The following UNC13B variants were observed in gnomAD, a reference collection of about 807,000 sequenced individuals.
UNC13B encodes protein unc-13 homolog B.
In UNC13B, 144 loss-of-function variants were observed where a neutral mutation model predicts 211.0. The ratio of observed to expected loss-of-function variants is 0.68; its 90% CI spans 0.60 to 0.78. The LOEUF is 0.78. Among genes scored for constraint, UNC13B ranks in the 30% least tolerant of loss-of-function variants. The pLI is 0.00. For missense variants in UNC13B, 1,777 were observed against 2,002.0 expected (o/e 0.89, Z 2.14); for synonymous variants, 709 against 725.8 (o/e 0.98, Z 0.37).
intron 5 of UNC13B, among the ~76,000 whole-genome samples, chr9:35,242,876 A>G (rs934154166): frequency 9.9e-5 from 15 of 152,198 alleles, no homozygotes; most frequent in African/African-American, 3.6e-4. Context: ...AATTTTGAGC[A>G]TCTCAATATC....
At chr9:35,226,441 G>A (rs1824847171) in intron 1 of UNC13B, among the ~76,000 whole-genome samples, 1 of 152,146 alleles carries the variant, frequency 6.6e-6, no homozygotes, top group South Asian at 2.1e-4. Context: ...AGTTTATTAG[G>A]AGAATTGACT....
chr9:35,204,728 T>C (rs1270450019), intron 1 of UNC13B, among the ~76,000 whole-genome samples: 2 of 152,220 alleles, frequency 1.3e-5, no homozygotes, highest in African/African-American at 4.8e-5. Context: ...CCCCATTATA[T>C]CTTCAAAGTA....
intron 11 of UNC13B, among the ~76,000 whole-genome samples, chr9:35,323,129 A>G (rs1460736611): frequency 6.6e-6 from 1 of 151,328 alleles, no homozygotes; most frequent in Non-Finnish European, 1.5e-5. Flanking sequence ...TAATCCATCC[A>G]TTTATGAGCA....
At chr9:35,190,353 T>C (rs547344250) in intron 1 of UNC13B, among the ~76,000 whole-genome samples, 29 of 152,280 alleles carry the variant, frequency 1.9e-4, no homozygotes, top group African/African-American at 7.0e-4. Context: ...TAACTACTAT[T>C]AGCCATTCCT....
chr9:35,403,644 A>C, intron 39 of UNC13B, 45 bp downstream of exon 39: 1 of 656,840 alleles, frequency 1.5e-6, no homozygotes, highest in Middle Eastern at 3.5e-4. Flanking sequence ...TGGGGGTAAG[A>C]CTTGAGGGGT....
intron 1 of UNC13B, among the ~76,000 whole-genome samples, chr9:35,184,140 C>A (rs1303790198): frequency 2.6e-4 from 39 of 149,436 alleles, no homozygotes; most frequent in African/African-American, 8.7e-4. Flanking sequence ...ACACTCCTCA[C>A]TTCGCAGACA....
intron 37 of UNC13B, chr9:35,401,801 ACTT>A: frequency 1.4e-6 from 1 of 705,174 alleles, no homozygotes; most frequent in Non-Finnish European, 2.4e-6. Flanking sequence ...CAGCTCTTTC[ACTT>A]CTTTCTCCAC....
intron 11 of UNC13B, among the ~76,000 whole-genome samples, chr9:35,325,718 C>T (rs1484360678): frequency 1.3e-5 from 2 of 152,180 alleles, no homozygotes; most frequent in Non-Finnish European, 2.9e-5. Flanking sequence ...AAATCCCATA[C>T]CCATTAGGGA....
chr9:35,387,857 T>A (rs113422347), intron 24 of UNC13B, among the ~76,000 whole-genome samples: 2,992 of 152,074 alleles, frequency 0.02, 82 homozygotes, highest in African/African-American at 0.069. Context: ...TGTTTTTTTG[T>A]TGTTGTTATT....
Position 35,399,699 on chromosome 9 carries a change from A to C in UNC13B, c.12306A>C (p.Ala4102=), listed in dbSNP as rs1465986259. The change falls in exon 36 of 40, where the codon GCA becomes GCC. Residue 4102 remains alanine (A), a synonymous_variant. Transcript: ENST00000635942. The part of the protein sequence containing the change: ...ETRNLTPKQC[A]VLDLALDTIK... The stretch of plus-strand genomic sequence containing the variant: ...GGAATCTCACTCCAAAGCAGTGTGC[A>C]GTCCTTGACCTCGCCCTGGACACCA... 2.5e-6 allele frequency: 4 copies of C among 1,614,022 alleles called. No individual in the cohort carries two copies. The Admixed American group carries it at 5.0e-5, about 20-fold the overall frequency.
intron 6 of UNC13B, among the ~76,000 whole-genome samples, chr9:35,246,262 A>G (rs1340464249): frequency 1.3e-5 from 2 of 151,796 alleles, no homozygotes; most frequent in Admixed American, 6.6e-5. Flanking sequence ...CCTTTGTCAG[A>G]GGAGTAGATT....
chr9:35,186,817 T>C (rs1822386294), intron 1 of UNC13B, among the ~76,000 whole-genome samples: 1 of 152,068 alleles, frequency 6.6e-6, no homozygotes, highest in African/African-American at 2.4e-5. Context: ...TCTTGTCTGC[T>C]CCTTACTGTA....
rs1423077974 is a variant in UNC13B at position 35,188,427 on chromosome 9, T to C, written c.22+26122T>C. 2.0e-5 allele frequency among the ~76,000 whole-genome samples: 3 copies of C among 152,236 alleles called. No homozygotes were observed. In the South Asian group the frequency reaches 6.2e-4, roughly 31 times the overall value. On this transcript the variant is annotated intron_variant, in intron 1 of 39. Transcript: ENST00000635942. Reference sequence around the variant, plus strand: ...TTAATTATAATTGATAGCATATACTTAGACATTAGAATTTTAGAAGTCACA... The same window carrying C: ...TTAATTATAATTGATAGCATATACTCAGACATTAGAATTTTAGAAGTCACA...
chr9:35,314,874 C>CTTTTTT (rs765803997), intron 11 of UNC13B, among the ~76,000 whole-genome samples: 21 of 57,780 alleles, frequency 3.6e-4, no homozygotes, highest in Non-Finnish European at 5.1e-4. Flanking sequence ...GATTCCGTAT[C>CTTTTTT]TTTTTTTTTT....
rs34611015 is a variant in UNC13B, at chr9:35,368,721, G to GT, written c.9462-1583dup. Among the ~76,000 whole-genome samples the GT allele has an allele frequency of 3.7e-3, 503 of 135,672 alleles. 2 individuals carry two copies. Among genetic ancestry groups the GT allele is most frequent in the South Asian group, 0.01 (43 of 4,240 alleles). The allele number at this position is 135,672 out of a possible 152,430, so 89.0% of individuals were successfully genotyped here. A position where few individuals can be genotyped will look rare whatever the true frequency, so the allele number is the denominator to read the frequency against. ...TTTCCCTGCAGCTTTGTCAGTATCT[G>GT]TTTTTTTTTTTTTTAGTTTGTCTTC... On this transcript the variant is annotated intron_variant, in intron 12 of 39. Coordinates refer to ENST00000635942, the MANE Select transcript of UNC13B (RefSeq NM_001371189.2).
chr9:35,301,271 G>C lies in UNC13B; in HGVS notation c.1867G>C (p.Gly623Arg). ...HRKTSENEHM[G>R]NKTGSLYFQN... Reference sequence around the variant, plus strand: ...AAAAACCTCTGAAAATGAGCACATGGGTAATAAAACTGGGAGTTTATACTT... The same window carrying C: ...AAAAACCTCTGAAAATGAGCACATGCGTAATAAAACTGGGAGTTTATACTT... The change falls in exon 9 of 40, where the codon GGT becomes CGT. Residue 623 changes from glycine to arginine, a missense_variant. Gly to Arg is a moderately radical substitution (Grantham distance 125). Transcript: ENST00000635942. 2.5e-6 allele frequency: 1 copy of C among 398,758 alleles called. No individual in the cohort carries two copies. Among genetic ancestry groups the C allele is most frequent in the Non-Finnish European group, 4.4e-6 (1 of 225,922 alleles). The allele number at this position is 398,758 out of a possible 1,614,324, so 24.7% of individuals were successfully genotyped here. A position where few individuals can be genotyped will look rare whatever the true frequency, so the allele number is the denominator to read the frequency against.
At chr9:35,165,410 ATTT>A (rs535456762) in intron 1 of UNC13B, among the ~76,000 whole-genome samples, 4 of 136,526 alleles carry the variant, frequency 2.9e-5, no homozygotes, top group Admixed American at 7.4e-5. Flanking sequence ...ATTGACTTGA[ATTT>A]TTTTTTTTTT....
At chr9:35,402,148 A>G in intron 37 of UNC13B, 1 of 714,040 alleles carries the variant, frequency 1.4e-6, no homozygotes, top group South Asian at 1.8e-5. Flanking sequence ...GAGATGGGTA[A>G]TGCCTTCATA....
At chr9:35,291,033 C>A (rs954197204) in intron 7 of UNC13B, 7 of 1,548,934 alleles carry the variant, frequency 4.5e-6, no homozygotes, top group Non-Finnish European at 6.1e-6. Flanking sequence ...AAAGTATTTT[C>A]AAAAATTATC....
Sources: gnomAD v4.1 joint callset for allele counts (sites outside exome capture counted in the v4.1 genomes callset) on GRCh38, gnomAD v4.1.1 for gene constraint, MANE v1.5 for transcripts, NCBI Gene and HGNC (gene_info 2026-07-23, HGNC 2026-07-21) for gene names.